RPL14: variants seen among roughly 807,000 people sequenced by gnomAD.
RPL14 encodes ribosomal protein L14.
In RPL14, 4 loss-of-function variants were observed where a neutral mutation model predicts 25.3. That is an observed-to-expected ratio of 0.16 (90% CI 0.08 to 0.36). The LOEUF is 0.36. RPL14 is among the 10% of genes least tolerant of loss of function. RPL14 has a pLI of 1.00. For synonymous variants in RPL14, 75 were observed against 89.8 expected (o/e 0.84, Z 0.93); for missense variants, 212 against 261.9 (o/e 0.81, Z 1.31).
intron 3 of RPL14, 45 bp downstream of exon 3, chr3:40,458,781 T>C (rs753081486): frequency 6.6e-7 from 1 of 1,512,268 alleles, no homozygotes; most frequent in Non-Finnish European, 9.2e-7. Context: ...CCAGATTTGT[T>C]TATGCTAGTA....
chr3:40,462,445 C>T lies in RPL14; in HGVS notation c.*213C>T, dbSNP rs548194125. The T allele has an allele frequency of 8.1e-4, 367 of 454,070 alleles. 2 individuals are homozygous for T. The highest frequency in any genetic ancestry group is 1.1e-3 in the Non-Finnish European group (318 of 277,462). 28.1% of individuals were successfully genotyped at this position (454,070 alleles called of 1,614,324 possible). A position where few individuals can be genotyped will look rare whatever the true frequency, so the allele number is the denominator to read the frequency against. On this transcript the variant is annotated 3_prime_UTR_variant, in exon 6 of 6. Coordinates refer to ENST00000396203, the MANE Select transcript of RPL14 (RefSeq NM_001034996.3). ...AGGCCGGACTGCAGTGGCGCTATCTCGGCTCACTGTAAGTTCCACCTCCCG... is the reference window on the plus strand; with the variant it reads ...AGGCCGGACTGCAGTGGCGCTATCTTGGCTCACTGTAAGTTCCACCTCCCG...
In RPL14 at chr3:40,461,397, C is replaced by G. The variant is rs779637977; in HGVS notation, c.201-10C>G. The G allele has an allele frequency of 1.2e-6, 2 of 1,612,428 alleles. No individual in the cohort carries two copies. Among genetic ancestry groups the G allele is most frequent in the East Asian group, 2.2e-5 (1 of 44,864 alleles). On this transcript the variant is annotated splice_polypyrimidine_tract_variant and intron_variant, in intron 3 of 5. Transcript: ENST00000396203. ...CTGATTTCTTAATCTGTGGTCTTGGCTCGTTCTAGTGCCCACCAGAAGTAT... is the reference window on the plus strand; with the variant it reads ...CTGATTTCTTAATCTGTGGTCTTGGGTCGTTCTAGTGCCCACCAGAAGTAT...
chr3:40,459,581 C>T (rs1696900455), intron 3 of RPL14, among the ~76,000 whole-genome samples: 1 of 152,026 alleles, frequency 6.6e-6, no homozygotes, highest in African/African-American at 2.4e-5. Context: ...GTTGGCCGGG[C>T]GCGGTGGCTC....
At chr3:40,461,555 G>C (rs769739519) in intron 4 of RPL14, 49 bp downstream of exon 4, 1 of 1,606,504 alleles carries the variant, frequency 6.2e-7, no homozygotes, top group African/African-American at 1.3e-5. Context: ...TTTTTGGAGG[G>C]TTCAAGATAG....
At chr3:40,461,308 T>G in intron 3 of RPL14, 99 bp from the exon 4 acceptor site, 1 of 912,274 alleles carries the variant, frequency 1.1e-6, no homozygotes. Flanking sequence ...CCAGGTGTTG[T>G]GTAACAGGAA....
chr3:40,458,435 T>A, intron 2 of RPL14: 1 of 582,796 alleles, frequency 1.7e-6, no homozygotes, highest in South Asian at 2.1e-5. Flanking sequence ...AGAAGGAGCA[T>A]TTAATGATGT....
Position 40,462,310 on chromosome 3 carries a change from T to TTGAG in RPL14, c.*79_*82dup. 7.0e-7 allele frequency: 1 copy of TTGAG among 1,425,162 alleles called. No homozygotes were observed. Among genetic ancestry groups the TTGAG allele is most frequent in the Non-Finnish European group, 9.4e-7 (1 of 1,066,868 alleles). The allele number at this position is 1,425,162 out of a possible 1,614,324, so 88.3% of individuals were successfully genotyped here. A position where few individuals can be genotyped will look rare whatever the true frequency, so the allele number is the denominator to read the frequency against. On this transcript the variant is annotated 3_prime_UTR_variant, in exon 6 of 6. Transcript: ENST00000396203. Reference sequence around the variant, plus strand: ...TTTAAGCCTTTGGATTTAAAGCCTGTTGAGGCTGGAGTTAGGAGGCAGATT... The same window carrying TTGAG: ...TTTAAGCCTTTGGATTTAAAGCCTGTTGAGTGAGGCTGGAGTTAGGAGGCAGATT...
chr3:40,462,029 ACTGCTGCTGCTGCTGCTGCTG>A lies in RPL14; in HGVS notation c.457_477del (p.Ala153_Ala159del), dbSNP rs57354599. 36 of 1,555,776 alleles carry A rather than the reference ACTGCTGCTGCTGCTGCTGCTG, an allele frequency of 2.3e-5. No homozygotes were observed. The highest frequency in any genetic ancestry group is 2.7e-5 in the Non-Finnish European group (31 of 1,140,854). ...CAAAAAAGCACCTGGTACTAAGGGT[ACTGCTGCTGCTGCTGCTGCTG>A]CTGCTGCTGCTAAAGTTCCAGCAAA... On this transcript the variant is annotated inframe_deletion, in exon 6 of 6. Transcript: ENST00000396203.
chr3:40,460,823 C>A (rs1173539846), intron 3 of RPL14, among the ~76,000 whole-genome samples: 1 of 152,058 alleles, frequency 6.6e-6, no homozygotes, highest in African/African-American at 2.4e-5. Flanking sequence ...CTCAGGTGAT[C>A]CACCCATCTT....
At position 40,462,373 on chromosome 3, in the gene RPL14, C is replaced by CATT. The variant is rs770381795; in HGVS notation, c.*141_*142insATT. The stretch of plus-strand genomic sequence containing the variant: ...ATAATAAACATTAAATAATCAGTTC[C>CATT]TTTTTTTTTTTTTTTTTTTTTGAGA... On this transcript the variant is annotated 3_prime_UTR_variant, in exon 6 of 6. Transcript: ENST00000396203. The CATT allele has an allele frequency of 3.0e-4, 99 of 332,486 alleles. No homozygotes were observed. Among genetic ancestry groups the CATT allele is most frequent in the Non-Finnish European group, 1.6e-4 (34 of 209,518 alleles). 20.6% of individuals were successfully genotyped at this position (332,486 alleles called of 1,614,324 possible). A position where few individuals can be genotyped will look rare whatever the true frequency, so the allele number is the denominator to read the frequency against.
intron 1 of RPL14, 98 bp downstream of exon 1, chr3:40,457,572 A>T: frequency 9.5e-7 from 1 of 1,053,416 alleles, no homozygotes; most frequent in Non-Finnish European, 1.4e-6. Flanking sequence ...AGGGCCCGGC[A>T]GGCCTGGCGC....
chr3:40,457,870 C>A lies in RPL14; in HGVS notation c.4-20C>A, dbSNP rs775979616. The A allele has an allele frequency of 3.1e-6, 5 of 1,607,288 alleles. No individual in the cohort carries two copies. In the East Asian group the frequency reaches 1.1e-4, roughly 36 times the overall value. ...AGTATTTCTAAGTAAGTTTCACTGT[C>A]CTTTCTCCTCCAATTTTAGGTGTTC... On this transcript the variant is annotated intron_variant, in intron 1 of 5. Coordinates refer to ENST00000396203, the MANE Select transcript of RPL14 (RefSeq NM_001034996.3).
rs1696937892 is a variant in RPL14, at chr3:40,461,591, T to G, written c.301-17T>G. 6.3e-7 allele frequency: 1 copy of G among 1,596,060 alleles called. No individual in the cohort carries two copies. The highest frequency in any genetic ancestry group is 8.5e-7 in the Non-Finnish European group (1 of 1,171,216). On this transcript the variant is annotated splice_polypyrimidine_tract_variant and intron_variant, in intron 4 of 5. Transcript: ENST00000396203. ...TGTGAGAGGGATAATTTTTATTTGT[T>G]GTTTTTTTTTTAACAGAAAGCCAAG...
rs1697003801 is a variant in RPL14 at position 40,464,765 on chromosome 3, G to A, written c.*2533G>A. 5 of 268,868 alleles carry A rather than the reference G, an allele frequency of 1.9e-5. No homozygotes were observed. In the South Asian group the frequency reaches 1.9e-4, roughly 10 times the overall value. 16.7% of individuals were successfully genotyped at this position (268,868 alleles called of 1,614,324 possible). On this transcript the variant is annotated 3_prime_UTR_variant, in exon 6 of 6. Coordinates refer to ENST00000396203, the MANE Select transcript of RPL14 (RefSeq NM_001034996.3). ...TTTAGGTGGTCTTGATCATGCATTG[G>A]ACTGCAGAAATAAGGGAGAAAACAA...
intron 2 of RPL14, 131 bp downstream of exon 2, chr3:40,458,122 C>T (rs1351925252): frequency 2.7e-6 from 2 of 742,752 alleles, no homozygotes; most frequent in Admixed American, 2.3e-5. Context: ...ATTGAGGAAA[C>T]AGGTAATGGT....
intron 2 of RPL14, 71 bp from the exon 3 acceptor site, chr3:40,458,571 G>A: frequency 8.4e-7 from 1 of 1,194,752 alleles, no homozygotes; most frequent in Non-Finnish European, 1.2e-6. Flanking sequence ...GATAAGTAAT[G>A]TTACAGAACC....
chr3:40,457,403 G>A lies in RPL14; in HGVS notation c.-69G>A. ...TGCGGGCTCCGGGGCCGTCGACCAT[G>A]CCGCTCGACCTCCACCTCCGCTGGG... is the stretch of plus-strand genomic sequence containing the variant. On this transcript the variant is annotated 5_prime_UTR_variant, in exon 1 of 6. An upstream start codon of the reference 5' UTR is lost. Transcript: ENST00000396203. 6.3e-7 allele frequency: 1 copy of A among 1,598,292 alleles called. No individual in the cohort carries two copies. The highest frequency in any genetic ancestry group is 8.5e-7 in the Non-Finnish European group (1 of 1,171,880).
intron 3 of RPL14, 90 bp downstream of exon 3, chr3:40,458,826 C>G (rs1696884034): frequency 8.4e-6 from 8 of 947,166 alleles, no homozygotes; most frequent in Non-Finnish European, 1.4e-5. Context: ...ACGGAAGATT[C>G]AGAGCCATCC....
intron 3 of RPL14, 117 bp from the exon 4 acceptor site, chr3:40,461,290 A>G (rs374298820): frequency 9.5e-5 from 71 of 748,254 alleles, no homozygotes; most frequent in East Asian, 4.0e-4. Flanking sequence ...AGTAAAATAC[A>G]TAGTGTACCA....
Sources: allele counts gnomAD v4.1 joint callset (sites outside exome capture counted in the v4.1 genomes callset), GRCh38; gene constraint gnomAD v4.1.1; transcripts MANE v1.5; gene names NCBI Gene and HGNC (gene_info 2026-07-23, HGNC 2026-07-21).